The following MAPK8 variants were observed in gnomAD, a reference collection of about 807,000 sequenced individuals.
MAPK8 encodes mitogen-activated protein kinase 8.
Under a neutral mutation model 52.9 loss-of-function variants are expected in MAPK8, and 13 were observed. That is an observed-to-expected ratio of 0.25 (90% confidence interval 0.16 to 0.39). The LOEUF (loss-of-function observed/expected upper bound fraction) is 0.39, where lower values mean the gene tolerates loss of function less well. MAPK8 is among the 10% of genes least tolerant of loss of function. MAPK8 has a pLI of 1.00. For synonymous variants in MAPK8, 191 were observed against 169.8 expected (o/e 1.12, Z -0.97); for missense variants, 300 against 519.2 (o/e 0.58, Z 4.10).
chr10:48,346,922 C>A (rs539916611), intron 1 of MAPK8, among the ~76,000 whole-genome samples: 1 of 152,188 alleles, frequency 6.6e-6, no homozygotes, highest in Non-Finnish European at 1.5e-5. Flanking sequence ...CCTTACCTAT[C>A]ATTGGAGGTG....
At chr10:48,367,374 AAAATAAATAAAT>A (rs140011193) in intron 1 of MAPK8, among the ~76,000 whole-genome samples, 6,170 of 150,840 alleles carry the variant, frequency 0.041, 184 homozygotes, top group African/African-American at 0.086. Context: ...TTAAAAATTA[AAAATAAATAAAT>A]AAATAAATAA....
intron 1 of MAPK8, among the ~76,000 whole-genome samples, chr10:48,337,639 A>G (rs1246944087): frequency 6.6e-6 from 1 of 152,156 alleles, no homozygotes; most frequent in Non-Finnish European, 1.5e-5. Context: ...AAAAAATTAC[A>G]CACAGAATCA....
At chr10:48,349,025 C>A (rs1203616116) in intron 1 of MAPK8, among the ~76,000 whole-genome samples, 1 of 150,450 alleles carries the variant, frequency 6.6e-6, no homozygotes. Flanking sequence ...GATAAAAAGA[C>A]AAAGAAGGGC....
At chr10:48,396,132 G>C (rs2041875210) in intron 1 of MAPK8, among the ~76,000 whole-genome samples, 1 of 152,000 alleles carries the variant, frequency 6.6e-6, no homozygotes, top group African/African-American at 2.4e-5. Context: ...CTTTTACTCT[G>C]TGAAAGACAC....
chr10:48,391,501 C>T (rs1010680738), intron 1 of MAPK8, among the ~76,000 whole-genome samples: 2 of 152,162 alleles, frequency 1.3e-5, no homozygotes, highest in Admixed American at 1.3e-4. Context: ...CACCAGTATC[C>T]TTAATGCCCT....
At chr10:48,392,254 G>C (rs1287033514) in intron 1 of MAPK8, among the ~76,000 whole-genome samples, 20 of 152,096 alleles carry the variant, frequency 1.3e-4, no homozygotes, top group Non-Finnish European at 4.4e-5. Context: ...GAAAGGCAGG[G>C]GAAGATTAGA....
At chr10:48,361,992 C>T (rs553078598) in intron 1 of MAPK8, among the ~76,000 whole-genome samples, 84 of 152,260 alleles carry the variant, frequency 5.5e-4, no homozygotes, top group African/African-American at 2.0e-3. Context: ...AGAAAATTTT[C>T]CTCATTTTCA....
At chr10:48,318,561 G>T (rs534386629) in intron 1 of MAPK8, among the ~76,000 whole-genome samples, 27 of 152,280 alleles carry the variant, frequency 1.8e-4, no homozygotes, top group African/African-American at 5.8e-4. Context: ...TGGAATACCT[G>T]AAAGAGAGAT....
chr10:48,379,744 A>G (rs570344970), intron 1 of MAPK8, among the ~76,000 whole-genome samples: 2 of 152,276 alleles, frequency 1.3e-5, no homozygotes, highest in African/African-American at 4.8e-5. Context: ...ATGTTGGCTT[A>G]GCAATCTTCA....
At chr10:48,434,540 G>T (rs1767988504) in intron 11 of MAPK8, among the ~76,000 whole-genome samples, 1 of 152,166 alleles carries the variant, frequency 6.6e-6, no homozygotes, top group African/African-American at 2.4e-5. Flanking sequence ...AGTTTTGCAT[G>T]TATTATCAGC....
At chr10:48,413,819 A>ATATTTT (rs2042900144) in intron 5 of MAPK8, among the ~76,000 whole-genome samples, 2 of 70,350 alleles carry the variant, frequency 2.8e-5, no homozygotes, top group Non-Finnish European at 5.6e-5. Flanking sequence ...GAATTGTTAT[A>ATATTTT]TATATATATA....
At chr10:48,306,844 G>A (rs1364153559) in intron 1 of MAPK8, 23 bp downstream of exon 1, 3 of 151,716 alleles carry the variant, frequency 2.0e-5, no homozygotes, top group Non-Finnish European at 4.4e-5. Context: ...GACGCCGCAG[G>A]GCCGGGACGG....
chr10:48,354,392 CG>C (rs1359192444), intron 1 of MAPK8, among the ~76,000 whole-genome samples: 1 of 152,178 alleles, frequency 6.6e-6, no homozygotes, highest in Non-Finnish European at 1.5e-5. Flanking sequence ...GAATCTGATA[CG>C]TTCTTCCTCT....
At chr10:48,323,442 T>C (rs565155168) in intron 1 of MAPK8, among the ~76,000 whole-genome samples, 70 of 152,314 alleles carry the variant, frequency 4.6e-4, no homozygotes, top group African/African-American at 1.4e-3. Flanking sequence ...GCTGGACTTA[T>C]GGTTGTGTCT....
At chr10:48,402,197 A>G (rs1465411984) in intron 2 of MAPK8, among the ~76,000 whole-genome samples, 1 of 152,210 alleles carries the variant, frequency 6.6e-6, no homozygotes, top group Non-Finnish European at 1.5e-5. Context: ...ACAACTCTAT[A>G]AACTAGCACT....
chr10:48,380,113 G>A (rs543546202), intron 1 of MAPK8, among the ~76,000 whole-genome samples: 9 of 152,076 alleles, frequency 5.9e-5, no homozygotes, highest in East Asian at 5.8e-4. Flanking sequence ...ATGGTGGTGC[G>A]CACCTGTAAT....
intron 1 of MAPK8, among the ~76,000 whole-genome samples, chr10:48,378,737 TTA>T (rs906388649): frequency 1.3e-5 from 2 of 151,512 alleles, no homozygotes; most frequent in African/African-American, 4.8e-5. Context: ...AAATACATAA[TTA>T]TATATATATA....
intron 1 of MAPK8, among the ~76,000 whole-genome samples, chr10:48,374,197 G>A (rs1056062826): frequency 1.3e-5 from 2 of 152,148 alleles, no homozygotes; most frequent in Admixed American, 6.6e-5. Context: ...TGAAACCAGT[G>A]AGAACAAAGA....
chr10:48,344,064 A>G (rs1001462997), intron 1 of MAPK8, among the ~76,000 whole-genome samples: 4 of 152,188 alleles, frequency 2.6e-5, no homozygotes, highest in African/African-American at 9.7e-5. Flanking sequence ...ACTCTGTCCC[A>G]TTTAGCCAGG....
Sources: gnomAD v4.1 joint callset for allele counts (sites outside exome capture counted in the v4.1 genomes callset) on GRCh38, gnomAD v4.1.1 for gene constraint, MANE v1.5 for transcripts, NCBI Gene and HGNC (gene_info 2026-07-23, HGNC 2026-07-21) for gene names.